KDM4C: variants seen among roughly 807,000 people sequenced by gnomAD.
KDM4C encodes the protein lysine-specific demethylase 4C.
A neutral mutation model predicts 129.3 loss-of-function variants in KDM4C; 81 were observed. That is an observed-to-expected ratio of 0.63 (90% CI 0.52 to 0.75). The LOEUF is 0.75. KDM4C is among the 30% of genes least tolerant of loss of function. The probability of loss-of-function intolerance (pLI) is 0.00; values close to 1 mark genes in which losing one functional copy is unlikely to be tolerated. For missense variants in KDM4C, 1,457 were observed against 1,304.0 expected (o/e 1.12, Z -1.81); for synonymous variants, 573 against 456.1 (o/e 1.26, Z -3.26).
At chr9:7,041,211 T>C (rs1396968722) in intron 15 of KDM4C, among the ~76,000 whole-genome samples, 1 of 151,980 alleles carries the variant, frequency 6.6e-6, no homozygotes, top group Non-Finnish European at 1.5e-5. Context: ...TCCTTGTCAT[T>C]ATTCCCTAAT....
intron 1 of KDM4C, chr9:6,749,082 C>T (rs371227190): frequency 3.4e-5 from 16 of 472,122 alleles, no homozygotes; most frequent in African/African-American, 1.8e-4. Flanking sequence ...TGCAATGGCG[C>T]GATCTCGCCT....
chr9:6,785,843 A>C lies in KDM4C; in HGVS notation c.-17-7129A>C, dbSNP rs146323138. On this transcript the variant is annotated intron_variant, in intron 1 of 21. Coordinates refer to ENST00000381309, the MANE Select transcript of KDM4C (RefSeq NM_015061.6). ...GCCCAGCCAAAGCAGTGTGCAGAGCAGAAGCTTGCTTGGCTCCTGTGAGGC... is the reference window on the plus strand; with the variant it reads ...GCCCAGCCAAAGCAGTGTGCAGAGCCGAAGCTTGCTTGGCTCCTGTGAGGC... Among the ~76,000 whole-genome samples, 157 of 152,366 alleles carry C rather than the reference A, an allele frequency of 1.0e-3. 1 individual carries two copies. Among genetic ancestry groups the C allele is most frequent in the African/African-American group, 3.7e-3 (155 of 41,592 alleles).
At chr9:7,139,452 C>T (rs796637363) in intron 19 of KDM4C, among the ~76,000 whole-genome samples, 2 of 152,290 alleles carry the variant, frequency 1.3e-5, no homozygotes, top group African/African-American at 2.4e-5. Flanking sequence ...ATGTTCTAAG[C>T]AGCCAACACC....
Position 6,889,470 on chromosome 9 carries a change from G to A in KDM4C, c.783+1407G>A, listed in dbSNP as rs115678434. ...GATGTGCACCGTGGGGGCTGCCTGC[G>A]GGTGTAGGGAGGCACTATGGATGGG... On this transcript the variant is annotated intron_variant, in intron 7 of 21. Coordinates refer to ENST00000381309, the MANE Select transcript of KDM4C (RefSeq NM_015061.6). Among the ~76,000 whole-genome samples the A allele has an allele frequency of 6.5e-4, 99 of 152,134 alleles. 1 individual carries two copies. Among genetic ancestry groups the A allele is most frequent in the African/African-American group, 2.3e-3 (95 of 41,500 alleles).
intron 17 of KDM4C, among the ~76,000 whole-genome samples, chr9:7,085,895 C>T (rs1239115570): frequency 1.3e-5 from 2 of 151,974 alleles, no homozygotes; most frequent in Non-Finnish European, 2.9e-5. Flanking sequence ...GTGGCTCATG[C>T]CTGTAATCCC....
At chr9:7,121,496 A>C (rs1839482343) in intron 18 of KDM4C, among the ~76,000 whole-genome samples, 2 of 152,226 alleles carry the variant, frequency 1.3e-5, no homozygotes, top group African/African-American at 4.8e-5. Context: ...GCCAGATTCA[A>C]AGGGTGGGAA....
At chr9:6,976,458 G>A (rs1053611798) in intron 8 of KDM4C, among the ~76,000 whole-genome samples, 4 of 152,016 alleles carry the variant, frequency 2.6e-5, no homozygotes, top group East Asian at 1.9e-4. Flanking sequence ...CTATTCAGAG[G>A]GCAATTTGTA....
At chr9:6,840,645 C>A (rs912900337) in intron 4 of KDM4C, among the ~76,000 whole-genome samples, 1 of 152,330 alleles carries the variant, frequency 6.6e-6, no homozygotes, top group Non-Finnish European at 1.5e-5. Flanking sequence ...TCCGCCCCCA[C>A]TTCGGCCTCC....
In KDM4C at chr9:7,067,881, C is replaced by T. The variant is rs182654867; in HGVS notation, c.2424+18681C>T. Among the ~76,000 whole-genome samples the T allele has an allele frequency of 5.0e-3, 762 of 152,138 alleles. 9 individuals carry two copies. Among genetic ancestry groups the T allele is most frequent in the African/African-American group, 0.017 (702 of 41,510 alleles). On this transcript the variant is annotated intron_variant, in intron 17 of 21. Coordinates refer to ENST00000381309, the MANE Select transcript of KDM4C (RefSeq NM_015061.6). ...TGCGATCTTGGCTCACTGCAAGCTC[C>T]GTCTCCCGGGTTCATGCCATTCTGC...
intron 1 of KDM4C, among the ~76,000 whole-genome samples, chr9:6,752,539 T>C (rs571352424): frequency 2.0e-5 from 3 of 150,432 alleles, no homozygotes; most frequent in South Asian, 4.2e-4. Flanking sequence ...GCCTCCTGAG[T>C]AGCTGGGTTT....
intron 2 of KDM4C, among the ~76,000 whole-genome samples, chr9:6,800,065 A>G (rs1828641843): frequency 6.6e-6 from 1 of 151,708 alleles, no homozygotes; most frequent in Non-Finnish European, 1.5e-5. Flanking sequence ...TTTTCCAAAA[A>G]AAAAATAAAT....
At chr9:7,154,145 C>A (rs942540755) in intron 19 of KDM4C, among the ~76,000 whole-genome samples, 8 of 152,178 alleles carry the variant, frequency 5.3e-5, no homozygotes, top group African/African-American at 1.7e-4. Context: ...CCCCATTAGA[C>A]TGGGGAGAAG....
intron 8 of KDM4C, among the ~76,000 whole-genome samples, chr9:6,903,080 G>C (rs528705578): frequency 6.6e-6 from 1 of 151,908 alleles, no homozygotes; most frequent in South Asian, 2.1e-4. Context: ...ATATACTTCA[G>C]GTTTTTTGAT....
In KDM4C at chr9:6,758,107, C is replaced by A. The variant is rs886090305; in HGVS notation, c.-114C>A. On this transcript the variant is annotated 5_prime_UTR_variant, in exon 1 of 22. Transcript: ENST00000381309. The surrounding 1 kb of genome is among the most constrained non-coding windows in gnomAD (Gnocchi z 4.6). ...CGAACAGCTGTCACCTAGTGCGGAA[C>A]AAGTCTCCCAAATTTCCCAAATCTC... is the stretch of plus-strand genomic sequence containing the variant. 8 of 985,490 alleles carry A rather than the reference C, an allele frequency of 8.1e-6. No homozygotes were observed. The Admixed American group carries it at 1.8e-4, about 23-fold the overall frequency. The allele number at this position is 985,490 out of a possible 1,614,324, so 61.0% of individuals were successfully genotyped here. A position where few individuals can be genotyped will look rare whatever the true frequency, so the allele number is the denominator to read the frequency against.
intron 4 of KDM4C, among the ~76,000 whole-genome samples, chr9:6,829,205 A>G (rs1238066022): frequency 6.6e-6 from 1 of 152,218 alleles, no homozygotes; most frequent in Non-Finnish European, 1.5e-5. Flanking sequence ...GTAGGAGTGT[A>G]AAGAGGTGAA....
At chr9:7,020,734 C>T (rs148620682) in intron 15 of KDM4C, among the ~76,000 whole-genome samples, 2 of 152,224 alleles carry the variant, frequency 1.3e-5, no homozygotes, top group African/African-American at 4.8e-5. Flanking sequence ...TACTTTGATA[C>T]AGACATGCAG....
intron 17 of KDM4C, among the ~76,000 whole-genome samples, chr9:7,101,238 A>G (rs943835293): frequency 4.6e-5 from 7 of 152,128 alleles, no homozygotes; most frequent in Non-Finnish European, 8.8e-5. Flanking sequence ...ATTTCGTTGT[A>G]ACATTCTTAA....
At chr9:6,769,495 C>T (rs1378429647) in intron 1 of KDM4C, among the ~76,000 whole-genome samples, 1 of 152,100 alleles carries the variant, frequency 6.6e-6, no homozygotes, top group Non-Finnish European at 1.5e-5. Flanking sequence ...ATTTCTAAGT[C>T]TTGGTTTCAT....
At chr9:7,062,687 T>C (rs117351735) in intron 17 of KDM4C, among the ~76,000 whole-genome samples, 4,042 of 148,656 alleles carry the variant, frequency 0.027, 87 homozygotes, top group Non-Finnish European at 0.041. Flanking sequence ...CCCAGCCCCC[T>C]TTTTTTTTTC....
Sources: gnomAD v4.1 joint callset for allele counts (sites outside exome capture counted in the v4.1 genomes callset) on GRCh38, gnomAD v4.1.1 for gene constraint, Gnocchi (gnomAD v3.1) non-coding constraint, MANE v1.5 for transcripts, NCBI Gene and HGNC (gene_info 2026-07-23, HGNC 2026-07-21) for gene names.